The following PARD3 variants were observed in gnomAD, a reference collection of about 807,000 sequenced individuals.
PARD3 encodes partitioning defective 3 homolog.
PARD3 carries 75 observed loss-of-function variants against 155.4 expected under a neutral mutation model. The observed-to-expected ratio is 0.48, with a 90% CI of 0.40 to 0.58. The LOEUF (loss-of-function observed/expected upper bound fraction) is 0.58. Ranked by LOEUF, PARD3 falls within the 20% of genes least tolerant of loss-of-function variation. The pLI, the probability that PARD3 is intolerant of heterozygous loss-of-function variation, is 0.00. For missense variants in PARD3, 1,642 were observed against 1,721.7 expected (o/e 0.95, Z 0.82); for synonymous variants, 576 against 610.5 (o/e 0.94, Z 0.83).
chr10:34,115,617 CTTAA>C (rs562335541), intron 24 of PARD3, among the ~76,000 whole-genome samples: 234 of 152,104 alleles, frequency 1.5e-3, no homozygotes, highest in African/African-American at 5.3e-3. Context: ...CTTGATTAAA[CTTAA>C]TTAATTCTTT....
chr10:34,674,134 T>C (rs2133270699), intron 2 of PARD3, among the ~76,000 whole-genome samples: 1 of 152,332 alleles, frequency 6.6e-6, no homozygotes, highest in Non-Finnish European at 1.5e-5. Flanking sequence ...AAAATTATCC[T>C]GGTTATATCT....
intron 1 of PARD3, among the ~76,000 whole-genome samples, chr10:34,782,311 C>T (rs1452711496): frequency 6.6e-6 from 1 of 152,168 alleles, no homozygotes. Context: ...AATCCAGCCT[C>T]CTCCACTGGG....
intron 2 of PARD3, among the ~76,000 whole-genome samples, chr10:34,608,142 G>A (rs1015588957): frequency 6.6e-6 from 1 of 152,170 alleles, no homozygotes; most frequent in East Asian, 1.9e-4. Context: ...AATGCTGCAC[G>A]GTCCCAGCAC....
intron 20 of PARD3, among the ~76,000 whole-genome samples, chr10:34,291,317 A>G (rs1208825280): frequency 1.3e-5 from 2 of 152,230 alleles, no homozygotes; most frequent in Non-Finnish European, 2.9e-5. Context: ...GGTTCAGTTC[A>G]GCTTGTAGCT....
intron 1 of PARD3, among the ~76,000 whole-genome samples, chr10:34,736,641 TATTAATTAATTA>T (rs71486002): frequency 0.023 from 2,910 of 127,024 alleles, 99 homozygotes; most frequent in African/African-American, 0.071. Flanking sequence ...TAGGTTACTT[TATTAATTAATTA>T]ATTTATTTAT....
chr10:34,182,493 C>T (rs1950310087), intron 22 of PARD3, among the ~76,000 whole-genome samples: 1 of 152,116 alleles, frequency 6.6e-6, no homozygotes, highest in Admixed American at 6.6e-5. Flanking sequence ...GTGAAATTGG[C>T]TTTTCTACTA....
chr10:34,219,167 G>A (rs915359884), intron 22 of PARD3, among the ~76,000 whole-genome samples: 16 of 152,156 alleles, frequency 1.1e-4, no homozygotes, highest in African/African-American at 3.6e-4. Flanking sequence ...CCCATTTTCT[G>A]GAGTTCTCAA....
intron 20 of PARD3, among the ~76,000 whole-genome samples, chr10:34,302,906 C>T (rs1195768719): frequency 6.6e-6 from 1 of 152,136 alleles, no homozygotes; most frequent in Admixed American, 6.5e-5. Flanking sequence ...GACCTACTTA[C>T]TCAGTGACTG....
intron 22 of PARD3, among the ~76,000 whole-genome samples, chr10:34,244,602 T>A (rs1953822669): frequency 6.6e-6 from 1 of 152,166 alleles, no homozygotes; most frequent in Admixed American, 6.5e-5. Flanking sequence ...AGCAAAAAAT[T>A]ACAGTGTAAT....
At chr10:34,255,913 A>G (rs529289038) in intron 22 of PARD3, among the ~76,000 whole-genome samples, 1 of 152,302 alleles carries the variant, frequency 6.6e-6, no homozygotes, top group East Asian at 1.9e-4. Context: ...ATAAGATTTT[A>G]GGGGGATTCA....
intron 2 of PARD3, among the ~76,000 whole-genome samples, chr10:34,600,420 T>G (rs918079932): frequency 1.1e-4 from 17 of 152,044 alleles, no homozygotes; most frequent in African/African-American, 4.1e-4. Context: ...ATTGTTGTTA[T>G]TTATGGAACA....
At chr10:34,265,938 G>A (rs1955281439) in intron 22 of PARD3, among the ~76,000 whole-genome samples, 1 of 152,068 alleles carries the variant, frequency 6.6e-6, no homozygotes, top group Non-Finnish European at 1.5e-5. Context: ...TGTGGGGGTC[G>A]GCAAACAAAC....
Position 34,651,010 on chromosome 10 carries a change from T to TTAAAA in PARD3, c.222+45307_222+45308insTTTTA, listed in dbSNP as rs2092994493. ...TGGGCAACAAGAACGAAACTCTGTCTCAAAAAAAAAAAAAAAAAAAAAAAA... is the reference window on the plus strand; with the variant it reads ...TGGGCAACAAGAACGAAACTCTGTCTTAAAACAAAAAAAAAAAAAAAAAAAAAAAA... On this transcript the variant is annotated intron_variant, in intron 2 of 24. Transcript: ENST00000374788. Among the ~76,000 whole-genome samples the TTAAAA allele has an allele frequency of 6.3e-5, 2 of 31,790 alleles. 1 individual carries two copies. The highest frequency in any genetic ancestry group is 3.4e-3 in the South Asian group (2 of 596). 20.9% of individuals were successfully genotyped at this position (31,790 alleles called of 152,430 possible). A position where few individuals can be genotyped will look rare whatever the true frequency, so the allele number is the denominator to read the frequency against.
intron 3 of PARD3, among the ~76,000 whole-genome samples, chr10:34,506,731 G>C (rs969583705): frequency 6.6e-6 from 1 of 152,096 alleles, no homozygotes; most frequent in Non-Finnish European, 1.5e-5. Context: ...GTGTTTTATG[G>C]ATGAAAAATG....
intron 10 of PARD3, 84 bp from the exon 11 acceptor site, chr10:34,375,086 A>ACACACACC (rs1841087695): frequency 1.0e-6 from 1 of 968,636 alleles, no homozygotes; most frequent in African/African-American, 1.7e-5. Context: ...ACACACACAC[A>ACACACACC]CACACACACT....
intron 4 of PARD3, among the ~76,000 whole-genome samples, chr10:34,456,565 T>C (rs1215339402): frequency 6.6e-6 from 1 of 152,208 alleles, no homozygotes; most frequent in Non-Finnish European, 1.5e-5. Context: ...CCCAAAGTGC[T>C]AGGATTACAG....
At chr10:34,515,899 C>T (rs761684418) in intron 3 of PARD3, among the ~76,000 whole-genome samples, 13 of 152,010 alleles carry the variant, frequency 8.6e-5, no homozygotes, top group East Asian at 1.9e-4. Flanking sequence ...AGTAAAGACA[C>T]GTAAGACCCA....
intron 2 of PARD3, among the ~76,000 whole-genome samples, chr10:34,536,864 T>G (rs2083267985): frequency 6.6e-6 from 1 of 152,160 alleles, no homozygotes; most frequent in South Asian, 2.1e-4. Flanking sequence ...ACATTAAATT[T>G]TTGATATTCA....
At chr10:34,532,987 T>A (rs941622980) in intron 2 of PARD3, among the ~76,000 whole-genome samples, 3 of 152,194 alleles carry the variant, frequency 2.0e-5, no homozygotes, top group African/African-American at 7.2e-5. Context: ...TATTTGCTCC[T>A]AGGATACAAA....
Sources: allele counts gnomAD v4.1 joint callset (sites outside exome capture counted in the v4.1 genomes callset), GRCh38; gene constraint gnomAD v4.1.1; transcripts MANE v1.5; gene names NCBI Gene and HGNC (gene_info 2026-07-23, HGNC 2026-07-21).